PRKD1: variants seen among roughly 807,000 people sequenced by gnomAD.
PRKD1 encodes the protein protein kinase D1.
PRKD1 carries 63 observed loss-of-function variants against 95.9 expected under a neutral mutation model. The observed-to-expected ratio is 0.66, with a 90% confidence interval of 0.54 to 0.81. The LOEUF is 0.81. Ranked by LOEUF, PRKD1 falls within the 30% of genes least tolerant of loss-of-function variation. PRKD1 has a pLI of 0.00. For synonymous variants in PRKD1, 425 were observed against 423.1 expected, an observed-to-expected ratio of 1.00 and a Z score of -0.05; for missense variants, 1,048 against 1,165.3, an observed-to-expected ratio of 0.90 and a Z score of 1.47.
At chr14:29,820,669 A>T (rs1890876623) in intron 1 of PRKD1, among the ~76,000 whole-genome samples, 2 of 152,214 alleles carry the variant, frequency 1.3e-5, no homozygotes, top group Non-Finnish European at 2.9e-5. Context: ...ATAATGGGGA[A>T]GACAAACCAA....
At chr14:29,667,008 G>A (rs1027163014) in intron 2 of PRKD1, among the ~76,000 whole-genome samples, 17 of 152,098 alleles carry the variant, frequency 1.1e-4, no homozygotes, top group African/African-American at 3.1e-4. Context: ...TTATAAAAGT[G>A]GTTTGTGCTG....
At chr14:29,679,842 C>T (rs1262620116) in intron 2 of PRKD1, among the ~76,000 whole-genome samples, 2 of 151,814 alleles carry the variant, frequency 1.3e-5, no homozygotes, top group African/African-American at 2.4e-5. Flanking sequence ...ATTCTCCTGC[C>T]TCAGCCTCCC....
intron 1 of PRKD1, among the ~76,000 whole-genome samples, chr14:29,906,571 G>A (rs754864933): frequency 6.6e-6 from 1 of 152,060 alleles, no homozygotes; most frequent in Non-Finnish European, 1.5e-5. Flanking sequence ...GAAATTCAGA[G>A]CAGAGTAACT....
intron 1 of PRKD1, among the ~76,000 whole-genome samples, chr14:29,781,012 C>T (rs1889018749): frequency 6.6e-6 from 1 of 151,774 alleles, no homozygotes; most frequent in Non-Finnish European, 1.5e-5. Context: ...AGCTGGAAAC[C>T]ATCATTCTCA....
At chr14:29,910,624 G>A (rs1287850899) in intron 1 of PRKD1, among the ~76,000 whole-genome samples, 1 of 152,184 alleles carries the variant, frequency 6.6e-6, no homozygotes, top group Non-Finnish European at 1.5e-5. Flanking sequence ...ATAAAAAAGA[G>A]ATTTGCCTAT....
chr14:29,844,916 C>T (rs1470601990), intron 1 of PRKD1, among the ~76,000 whole-genome samples: 1 of 152,052 alleles, frequency 6.6e-6, no homozygotes, highest in African/African-American at 2.4e-5. Context: ...AGAAAGGCAC[C>T]CCTTTGCTGT....
rs188522587 is a variant in PRKD1, at chr14:29,770,653, A to T, written c.265-44979T>A. Among the ~76,000 whole-genome samples, 380 of 152,278 alleles carry T rather than the reference A, an allele frequency of 2.5e-3. 2 individuals are homozygous for T. The highest frequency in any genetic ancestry group is 4.1e-3 in the Non-Finnish European group (278 of 68,030). ...TGAAGTAGAACTTATGAGAAGTGAA[A>T]CAAGATATCTGGTGAAAGAGATATC... On this transcript the variant is annotated intron_variant, in intron 1 of 17. Transcript: ENST00000331968.
At chr14:29,791,391 A>G (rs1594522516) in intron 1 of PRKD1, among the ~76,000 whole-genome samples, 1 of 152,176 alleles carries the variant, frequency 6.6e-6, no homozygotes, top group Non-Finnish European at 1.5e-5. Context: ...ATATCAATGT[A>G]ACACTGAAAT....
At chr14:29,604,088 TA>T (rs1893620661) in intron 13 of PRKD1, among the ~76,000 whole-genome samples, 1 of 152,190 alleles carries the variant, frequency 6.6e-6, no homozygotes, top group Admixed American at 6.5e-5. Context: ...AAAGCTTTTA[TA>T]AAAGTAATAT....
At chr14:29,613,233 C>A (rs993201828) in intron 13 of PRKD1, among the ~76,000 whole-genome samples, 1 of 152,184 alleles carries the variant, frequency 6.6e-6, no homozygotes, top group African/African-American at 2.4e-5. Flanking sequence ...ACATTTTGCA[C>A]GTTTTCCTCT....
At chr14:29,607,468 C>T (rs756385711) in intron 13 of PRKD1, among the ~76,000 whole-genome samples, 1 of 152,176 alleles carries the variant, frequency 6.6e-6, no homozygotes, top group Admixed American at 6.5e-5. Flanking sequence ...TGAGGGAGAA[C>T]CGCTTCCAAG....
At chr14:29,672,258 G>C (rs962010412) in intron 2 of PRKD1, among the ~76,000 whole-genome samples, 14 of 151,624 alleles carry the variant, frequency 9.2e-5, no homozygotes, top group African/African-American at 1.7e-4. Context: ...GGAGAATGGC[G>C]TGAACTTGGG....
At chr14:29,911,575 T>G (rs1377799974) in intron 1 of PRKD1, among the ~76,000 whole-genome samples, 1 of 152,194 alleles carries the variant, frequency 6.6e-6, no homozygotes, top group African/African-American at 2.4e-5. Context: ...GCATATTTGC[T>G]TACAGAAAAA....
intron 1 of PRKD1, among the ~76,000 whole-genome samples, chr14:29,926,236 T>C (rs1449775370): frequency 6.6e-6 from 1 of 152,170 alleles, no homozygotes; most frequent in Non-Finnish European, 1.5e-5. Context: ...AAGTGATAAT[T>C]AGAAAGCAAA....
intron 1 of PRKD1, among the ~76,000 whole-genome samples, chr14:29,866,364 ATG>A (rs1239584225): frequency 6.6e-6 from 1 of 152,196 alleles, no homozygotes; most frequent in Non-Finnish European, 1.5e-5. Flanking sequence ...ATTCTATACT[ATG>A]TAGTTGGTTT....
intron 1 of PRKD1, among the ~76,000 whole-genome samples, chr14:29,746,526 A>C (rs554494090): frequency 6.8e-6 from 1 of 146,730 alleles, no homozygotes; most frequent in Non-Finnish European, 1.5e-5. Context: ...GTGTGTGTAC[A>C]TATATACACA....
In PRKD1 at chr14:29,869,035, G is replaced by A. The variant is rs191649527; in HGVS notation, c.264+58214C>T. Among the ~76,000 whole-genome samples the A allele has an allele frequency of 2.6e-5, 4 of 152,278 alleles. No homozygotes were observed. The East Asian group carries it at 5.8e-4, about 22-fold the overall frequency. The stretch of plus-strand genomic sequence containing the variant: ...CACTAGTACCATTATGAAAATCAAA[G>A]CAAAACATAATCCTAAATTCTAGAA... On this transcript the variant is annotated intron_variant, in intron 1 of 17. Transcript: ENST00000331968.
intron 1 of PRKD1, among the ~76,000 whole-genome samples, chr14:29,758,047 C>A (rs968740933): frequency 6.6e-6 from 1 of 151,986 alleles, no homozygotes; most frequent in African/African-American, 2.4e-5. Context: ...ATGCAGGACG[C>A]AAGATTTGTT....
chr14:29,793,480 TC>T (rs1263568924), intron 1 of PRKD1, among the ~76,000 whole-genome samples: 1 of 152,108 alleles, frequency 6.6e-6, no homozygotes, highest in African/African-American at 2.4e-5. Context: ...AATCCCAAAT[TC>T]TGTAAAGAAT....
Sources: gnomAD v4.1 joint callset for allele counts (sites outside exome capture counted in the v4.1 genomes callset) on GRCh38, gnomAD v4.1.1 for gene constraint, MANE v1.5 for transcripts, NCBI Gene and HGNC (gene_info 2026-07-23, HGNC 2026-07-21) for gene names.